Variants in DLGAP2 observed in about 807,000 individuals in gnomAD.
DLGAP2 encodes disks large-associated protein 2.
Under a neutral mutation model 100.3 loss-of-function variants are expected in DLGAP2, and 26 were observed. That is an observed-to-expected ratio of 0.26 (90% CI 0.19 to 0.36). The LOEUF is 0.36. DLGAP2 is among the 10% of genes least tolerant of loss of function. DLGAP2 has a pLI of 1.00. For missense variants in DLGAP2, 1,858 were observed against 1,453.2 expected (o/e 1.28, Z -4.53); for synonymous variants, 886 against 630.1 (o/e 1.41, Z -6.08).
At chr8:1,237,115 G>A (rs1277272530) in intron 2 of DLGAP2, among the ~76,000 whole-genome samples, 1 of 37,764 alleles carries the variant, frequency 2.6e-5, no homozygotes, top group Non-Finnish European at 5.3e-5. Flanking sequence ...ACCGTGCCTA[G>A]TTCTGTCTCA....
chr8:1,215,397 G>T (rs1480414265), intron 2 of DLGAP2, among the ~76,000 whole-genome samples: 11 of 152,154 alleles, frequency 7.2e-5, no homozygotes, highest in Non-Finnish European at 8.8e-5. Context: ...TACCCTGATG[G>T]GTTCATTAGG....
chr8:1,622,483 C>T (rs1366604943), intron 6 of DLGAP2: 2 of 152,116 alleles, frequency 1.3e-5, no homozygotes, highest in African/African-American at 4.8e-5. Flanking sequence ...CTCATAATGA[C>T]CTAAGTCACA....
At chr8:1,111,461 A>T (rs1804956548) in intron 2 of DLGAP2, among the ~76,000 whole-genome samples, 1 of 151,534 alleles carries the variant, frequency 6.6e-6, no homozygotes, top group Admixed American at 6.6e-5. Flanking sequence ...AGGTTAACTC[A>T]TGTCACAGAG....
intron 6 of DLGAP2, among the ~76,000 whole-genome samples, chr8:1,572,727 G>C (rs1387923435): frequency 4.9e-5 from 5 of 101,744 alleles, no homozygotes; most frequent in Non-Finnish European, 9.9e-5. Context: ...GGAGAGGAGA[G>C]AGGGTGAACT....
chr8:850,017 T>A (rs1001748992), intron 1 of DLGAP2, among the ~76,000 whole-genome samples: 2 of 151,076 alleles, frequency 1.3e-5, no homozygotes, highest in African/African-American at 2.4e-5. Flanking sequence ...TGAGCTGAGA[T>A]TGTGCCACGC....
intron 2 of DLGAP2, among the ~76,000 whole-genome samples, chr8:1,010,962 G>A (rs1163425924): frequency 6.9e-6 from 1 of 144,598 alleles, no homozygotes; most frequent in Non-Finnish European, 1.5e-5. Context: ...CCCGGGCGAG[G>A]GGCCTCAGTC....
intron 2 of DLGAP2, among the ~76,000 whole-genome samples, chr8:1,033,852 C>T (rs1432639096): frequency 7.7e-6 from 1 of 130,638 alleles, no homozygotes; most frequent in African/African-American, 2.8e-5. Context: ...CGCGTGTCAC[C>T]GCGAGTGGGT....
At chr8:814,850 CAAAAAAAAAAAAA>C (rs34412684) in intron 1 of DLGAP2, among the ~76,000 whole-genome samples, 1 of 61,870 alleles carries the variant, frequency 1.6e-5, no homozygotes, top group Admixed American at 2.3e-4. Flanking sequence ...GACTCCGTCT[CAAAAAAAAAAAAA>C]AAAAAAAAAA....
At chr8:1,056,496 C>G (rs1382545210) in intron 2 of DLGAP2, among the ~76,000 whole-genome samples, 2 of 152,134 alleles carry the variant, frequency 1.3e-5, no homozygotes, top group African/African-American at 4.8e-5. Flanking sequence ...ATTCTTTAGT[C>G]TCTTGTTTGC....
intron 2 of DLGAP2, among the ~76,000 whole-genome samples, chr8:1,197,328 A>G (rs928078198): frequency 1.3e-5 from 2 of 151,948 alleles, no homozygotes; most frequent in Non-Finnish European, 2.9e-5. Context: ...TCACCACGAC[A>G]CCCTCCCTCC....
intron 4 of DLGAP2, among the ~76,000 whole-genome samples, chr8:1,527,455 C>T (rs1362516001): frequency 6.6e-6 from 1 of 152,228 alleles, no homozygotes; most frequent in Non-Finnish European, 1.5e-5. Context: ...ATAATAAGTT[C>T]AAACATGAAA....
chr8:1,090,457 G>C (rs867600814), intron 2 of DLGAP2, among the ~76,000 whole-genome samples: 2 of 152,246 alleles, frequency 1.3e-5, no homozygotes, highest in Non-Finnish European at 2.9e-5. Context: ...CTTAGCTTTT[G>C]ACCACGACAG....
At chr8:1,308,910 T>C (rs1026694167) in intron 3 of DLGAP2, among the ~76,000 whole-genome samples, 2 of 151,940 alleles carry the variant, frequency 1.3e-5, no homozygotes, top group African/African-American at 2.4e-5. Flanking sequence ...ATTAAAGAGA[T>C]CCAAATTATT....
chr8:1,007,638 G>GT (rs1312650077), intron 2 of DLGAP2, among the ~76,000 whole-genome samples: 28 of 141,510 alleles, frequency 2.0e-4, no homozygotes, highest in Non-Finnish European at 3.5e-4. Context: ...TTTTTTTTGG[G>GT]GGGGGGATCT....
rs1298341988 is a variant in DLGAP2, at chr8:1,571,612, G to A, written c.1442+5718G>A. Among the ~76,000 whole-genome samples, 14 of 136,792 alleles carry A rather than the reference G, an allele frequency of 1.0e-4. No individual in the cohort carries two copies. In the East Asian group the frequency reaches 2.2e-3, roughly 22 times the overall value. The allele number at this position is 136,792 out of a possible 152,430, so 89.7% of individuals were successfully genotyped here. ...GAACTGGAGGGGCATCTTCTGGGAC[G>A]GAGAGGAGAGAGGGGGTGAACTATG... On this transcript the variant is annotated intron_variant, in intron 6 of 14. Coordinates refer to ENST00000637795, the MANE Select transcript of DLGAP2 (RefSeq NM_001346810.2).
chr8:1,664,718 C>T lies in DLGAP2; in HGVS notation c.1811-3611C>T, dbSNP rs181142035. 6.6e-5 allele frequency among the ~76,000 whole-genome samples: 10 copies of T among 152,318 alleles called. No individual in the cohort carries two copies. In the East Asian group the frequency reaches 9.7e-4, roughly 15 times the overall value. ...TTCAATATTGCAGCCTTGCTGATAA[C>T]GGTGAAAAACAATACTCTTTCACAA... On this transcript the variant is annotated intron_variant, in intron 8 of 14. Coordinates refer to ENST00000637795, the MANE Select transcript of DLGAP2 (RefSeq NM_001346810.2).
intron 3 of DLGAP2, among the ~76,000 whole-genome samples, chr8:1,359,981 ACACC>A (rs1563104466): frequency 6.6e-6 from 1 of 152,190 alleles, no homozygotes; most frequent in Non-Finnish European, 1.5e-5. Flanking sequence ...TCCTGCCAGC[ACACC>A]TCAGCATCGC....
intron 1 of DLGAP2, among the ~76,000 whole-genome samples, chr8:819,774 A>C (rs949132036): frequency 7.2e-5 from 11 of 152,250 alleles, no homozygotes; most frequent in African/African-American, 2.7e-4. Context: ...CCTGGGAGGT[A>C]CGTAAAACAT....
At chr8:1,127,795 G>C (rs777063757) in intron 2 of DLGAP2, among the ~76,000 whole-genome samples, 3 of 152,232 alleles carry the variant, frequency 2.0e-5, no homozygotes, top group Non-Finnish European at 4.4e-5. Flanking sequence ...TGGATGTGAA[G>C]TAGAAAGGCT....
Sources: allele counts gnomAD v4.1 joint callset (sites outside exome capture counted in the v4.1 genomes callset), GRCh38; gene constraint gnomAD v4.1.1; transcripts MANE v1.5; gene names NCBI Gene and HGNC (gene_info 2026-07-23, HGNC 2026-07-21).